Variants in CNTN4 observed in about 807,000 individuals in gnomAD.
The protein encoded by CNTN4 is contactin 4, also known as contactin-4.
Under a neutral mutation model 122.5 loss-of-function variants are expected in CNTN4, and 77 were observed. The observed-to-expected ratio is 0.63, with a 90% CI of 0.52 to 0.76. CNTN4 has a LOEUF of 0.76. Ranked by LOEUF, CNTN4 falls within the 30% of genes least tolerant of loss-of-function variation. The pLI is 0.00. For synonymous variants in CNTN4, 512 were observed against 447.0 expected (o/e 1.15, Z -1.83); for missense variants, 1,256 against 1,259.1 (o/e 1.00, Z 0.04).
intron 2 of CNTN4, among the ~76,000 whole-genome samples, chr3:2,325,367 T>G (rs1434241767): frequency 1.3e-5 from 2 of 152,270 alleles, no homozygotes; most frequent in African/African-American, 4.8e-5. Context: ...TTTTATGAAT[T>G]GAAAAGTATT....
chr3:2,269,194 C>G (rs568626104), intron 2 of CNTN4, among the ~76,000 whole-genome samples: 4 of 152,218 alleles, frequency 2.6e-5, no homozygotes, highest in African/African-American at 4.8e-5. Flanking sequence ...CTTAAAAGAA[C>G]TAGTGCTCAG....
At chr3:2,723,351 C>T (rs2087984832) in intron 4 of CNTN4, among the ~76,000 whole-genome samples, 1 of 152,138 alleles carries the variant, frequency 6.6e-6, no homozygotes, top group Non-Finnish European at 1.5e-5. Flanking sequence ...TTACTCACAG[C>T]CTTAGTCCAT....
At chr3:2,322,907 A>G (rs1021965462) in intron 2 of CNTN4, among the ~76,000 whole-genome samples, 11 of 152,100 alleles carry the variant, frequency 7.2e-5, no homozygotes, top group Non-Finnish European at 1.2e-4. Context: ...AAATAGAGGA[A>G]AAGTTGCTGT....
rs111279874 is a variant in CNTN4, at chr3:2,665,355, G to A, written c.56-70860G>A. On this transcript the variant is annotated intron_variant, in intron 4 of 24. Coordinates refer to ENST00000418658, the MANE Select transcript of CNTN4 (RefSeq NM_175607.3). ...TTTAGGAAACAGTGCTTTTTCTGTGGGATGCATTTTGAACATTTAAATTCA... is the reference window on the plus strand; with the variant it reads ...TTTAGGAAACAGTGCTTTTTCTGTGAGATGCATTTTGAACATTTAAATTCA... Among the ~76,000 whole-genome samples, 1,417 of 152,122 alleles carry A rather than the reference G, an allele frequency of 9.3e-3. 26 individuals carry two copies. The highest frequency in any genetic ancestry group is 0.032 in the African/African-American group (1,341 of 41,500).
chr3:2,696,378 C>G (rs991013143), intron 4 of CNTN4, among the ~76,000 whole-genome samples: 1 of 152,196 alleles, frequency 6.6e-6, no homozygotes, highest in Non-Finnish European at 1.5e-5. Context: ...GTGTTTAAAT[C>G]ATGAGGGCAT....
At chr3:2,839,801 A>C (rs1044939035) in intron 7 of CNTN4, among the ~76,000 whole-genome samples, 14 of 152,198 alleles carry the variant, frequency 9.2e-5, no homozygotes. Flanking sequence ...CATCTCATTC[A>C]CTTACAGACC....
intron 2 of CNTN4, among the ~76,000 whole-genome samples, chr3:2,140,493 C>T (rs532260387): frequency 6.6e-6 from 1 of 152,170 alleles, no homozygotes; most frequent in South Asian, 2.1e-4. Context: ...TGGTGAGGGC[C>T]CACTTCCTGG....
chr3:2,558,202 G>T (rs1339902876), intron 3 of CNTN4, among the ~76,000 whole-genome samples: 1 of 152,096 alleles, frequency 6.6e-6, no homozygotes, highest in Non-Finnish European at 1.5e-5. Context: ...TGTTAATATT[G>T]TACGTAAGTA....
chr3:2,977,315 A>G (rs1693515363), intron 13 of CNTN4, among the ~76,000 whole-genome samples: 1 of 152,198 alleles, frequency 6.6e-6, no homozygotes, highest in Non-Finnish European at 1.5e-5. Flanking sequence ...GTAAATATTT[A>G]TCACTTGGCC....
chr3:3,056,449 A>G lies in CNTN4; in HGVS notation c.*229A>G. ...GCAATGCACTGAAGACATCTGTAATATGATGTTACCAAAGCAGTTTACATA... is the reference window on the plus strand; with the variant it reads ...GCAATGCACTGAAGACATCTGTAATGTGATGTTACCAAAGCAGTTTACATA... On this transcript the variant is annotated 3_prime_UTR_variant, in exon 25 of 25. Transcript: ENST00000418658. The G allele has an allele frequency of 2.1e-6, 1 of 474,940 alleles. No individual in the cohort carries two copies. Among genetic ancestry groups the G allele is most frequent in the Non-Finnish European group, 3.8e-6 (1 of 262,082 alleles). The allele number at this position is 474,940 out of a possible 1,614,324, so 29.4% of individuals were successfully genotyped here.
chr3:2,302,294 G>A (rs1288463097), intron 2 of CNTN4, among the ~76,000 whole-genome samples: 3 of 152,122 alleles, frequency 2.0e-5, no homozygotes, highest in Non-Finnish European at 4.4e-5. Context: ...CCGGCATGGT[G>A]GTGCACACCT....
chr3:2,466,272 A>G (rs1302430079), intron 3 of CNTN4, among the ~76,000 whole-genome samples: 1 of 152,218 alleles, frequency 6.6e-6, no homozygotes, highest in African/African-American at 2.4e-5. Flanking sequence ...TGCTTGTCAA[A>G]CTAATATATC....
chr3:2,762,893 T>C (rs1472968490), intron 6 of CNTN4, among the ~76,000 whole-genome samples: 1 of 151,930 alleles, frequency 6.6e-6, no homozygotes, highest in Non-Finnish European at 1.5e-5. Flanking sequence ...TGGTATCTCA[T>C]TGTGGTTTTG....
chr3:2,568,329 A>AAC (rs1553562734), intron 3 of CNTN4, among the ~76,000 whole-genome samples: 11 of 150,940 alleles, frequency 7.3e-5, no homozygotes, highest in Non-Finnish European at 1.3e-4. Flanking sequence ...AAAAAAAAAA[A>AAC]AAAAAAAAAA....
intron 10 of CNTN4, among the ~76,000 whole-genome samples, chr3:2,891,076 C>G (rs2094034191): frequency 6.6e-6 from 1 of 151,986 alleles, no homozygotes; most frequent in East Asian, 1.9e-4. Flanking sequence ...CCCTCAAGGA[C>G]CTAATATTTT....
chr3:2,908,434 A>G (rs2094261633), intron 12 of CNTN4, among the ~76,000 whole-genome samples: 1 of 152,196 alleles, frequency 6.6e-6, no homozygotes, highest in African/African-American at 2.4e-5. Context: ...GGTATCTGCA[A>G]TTCACTGAAA....
At chr3:2,689,723 C>G (rs1516389) in intron 4 of CNTN4, among the ~76,000 whole-genome samples, 1 of 151,950 alleles carries the variant, frequency 6.6e-6, no homozygotes. Flanking sequence ...ATATAAGAGA[C>G]CTACATTTTT....
chr3:2,498,419 C>T (rs957919432), intron 3 of CNTN4, among the ~76,000 whole-genome samples: 2 of 152,118 alleles, frequency 1.3e-5, no homozygotes, highest in Admixed American at 1.3e-4. Flanking sequence ...CACATCTTCC[C>T]TAGCAAGCAA....
chr3:2,510,321 A>G (rs1268932428), intron 3 of CNTN4, among the ~76,000 whole-genome samples: 1 of 150,304 alleles, frequency 6.7e-6, no homozygotes, highest in Non-Finnish European at 1.5e-5. Flanking sequence ...CTTATTGTAC[A>G]GAAAAGAAAA....
Sources: gnomAD v4.1 joint callset for allele counts (sites outside exome capture counted in the v4.1 genomes callset) on GRCh38, gnomAD v4.1.1 for gene constraint, MANE v1.5 for transcripts, NCBI Gene and HGNC (gene_info 2026-07-23, HGNC 2026-07-21) for gene names.